CEP192: variants seen among roughly 807,000 people sequenced by gnomAD.
CEP192 encodes the protein centrosomal protein 192.
Under a neutral mutation model 271.8 loss-of-function variants are expected in CEP192, and 151 were observed. The ratio of observed to expected loss-of-function variants is 0.56; its 90% CI spans 0.49 to 0.64. The LOEUF (loss-of-function observed/expected upper bound fraction) is 0.64, where lower values mean the gene tolerates loss of function less well. CEP192 is among the 30% of genes least tolerant of loss of function. The probability of loss-of-function intolerance (pLI) is 0.00; values close to 1 mark genes in which losing one functional copy is unlikely to be tolerated. For missense variants in CEP192, 2,910 were observed against 3,020.5 expected (o/e 0.96, Z 0.86); for synonymous variants, 995 against 1,076.5 (o/e 0.92, Z 1.48).
Position 13,037,312 on chromosome 18 carries a change from ATTTG to A in CEP192, c.1599+15_1599+18del, listed in dbSNP as rs563049467. On this transcript the variant is annotated intron_variant, in intron 12 of 44. Transcript: ENST00000506447. ...CATCAATTTATACAGGTTTGTAATT[ATTTG>A]TTTTATCCAAAATTTAAAATTTTTC... is the stretch of plus-strand genomic sequence containing the variant. 2.9e-5 allele frequency: 35 copies of A among 1,197,158 alleles called. No individual in the cohort carries two copies. Among genetic ancestry groups the A allele is most frequent in the African/African-American group, 4.6e-5 (3 of 65,744 alleles). 74.2% of individuals were successfully genotyped at this position (1,197,158 alleles called of 1,614,324 possible). A position where few individuals can be genotyped will look rare whatever the true frequency, so the allele number is the denominator to read the frequency against.
At chr18:13,056,968 C>G (rs1237952210) in intron 19 of CEP192, among the ~76,000 whole-genome samples, 1 of 152,182 alleles carries the variant, frequency 6.6e-6, no homozygotes, top group Non-Finnish European at 1.5e-5. Context: ...ATTATTTCCC[C>G]TAGGAAATGT....
In CEP192 at chr18:13,037,214, T is replaced by G. The variant is rs767092979; in HGVS notation, c.1535-23T>G. On this transcript the variant is annotated intron_variant, in intron 11 of 44. Transcript: ENST00000506447. ...TTGTTTAGGCATTAGTGTAATGTAT[T>G]TATATAAACATTCTTTTTTAAGCTG... 4 of 1,010,072 alleles carry G rather than the reference T, an allele frequency of 4.0e-6. No homozygotes were observed. In the South Asian group the frequency reaches 5.7e-5, roughly 14 times the overall value. The allele number at this position is 1,010,072 out of a possible 1,614,324, so 62.6% of individuals were successfully genotyped here.
chr18:13,056,731 C>G, intron 19 of CEP192, 33 bp downstream of exon 19: 1 of 1,485,060 alleles, frequency 6.7e-7, no homozygotes, highest in Non-Finnish European at 9.1e-7. Flanking sequence ...TTATTACTTG[C>G]TATTATTTTC....
chr18:13,040,665 G>A (rs1025199902), intron 13 of CEP192, among the ~76,000 whole-genome samples, 165 bp from the exon 14 acceptor site: 2 of 152,116 alleles, frequency 1.3e-5, no homozygotes, highest in African/African-American at 4.8e-5. Flanking sequence ...GAAATGAAAG[G>A]TTCTACCTGG....
At chr18:13,117,754 A>G (rs2040498921) in intron 44 of CEP192, 111 bp downstream of exon 44, 3 of 741,480 alleles carry the variant, frequency 4.0e-6, no homozygotes, top group Admixed American at 4.5e-5. Flanking sequence ...ATTCCTCACC[A>G]GCACCAAACA....
At chr18:13,100,757 T>G (rs534864699) in intron 38 of CEP192, among the ~76,000 whole-genome samples, 10 of 152,322 alleles carry the variant, frequency 6.6e-5, no homozygotes, top group African/African-American at 2.4e-4. Context: ...GTCAGAACCT[T>G]TCCTGTGCAA....
Position 13,030,531 on chromosome 18 carries a change from A to G in CEP192, c.1457A>G (p.Tyr486Cys), listed in dbSNP as rs1296994874. 11 of 1,611,936 alleles carry G rather than the reference A, an allele frequency of 6.8e-6. No individual in the cohort carries two copies. Among genetic ancestry groups the G allele is most frequent in the Non-Finnish European group, 8.5e-6 (10 of 1,178,486 alleles). The change falls in exon 11 of 45, where the codon TAT becomes TGT. Residue 486 changes from tyrosine to cysteine, a missense_variant. Physicochemically the swap from Tyr to Cys is radical, Grantham distance 194. Coordinates refer to ENST00000506447, the MANE Select transcript of CEP192 (RefSeq NM_032142.4). ...EEGRWVTDLA[Y>C]YTSFNSKQNL... ...GGTAGGTGGGTCACAGACCTTGCCT[A>G]TTACACATCTTTTAATAGCAAACAA...
chr18:12,999,364 C>A (rs1599021842), intron 1 of CEP192, 57 bp from the exon 2 acceptor site: 2 of 1,249,226 alleles, frequency 1.6e-6, no homozygotes, highest in Non-Finnish European at 1.1e-6. Flanking sequence ...TGCTTTTAAT[C>A]ATTTAAAAAC....
chr18:13,038,143 A>G (rs1194402574), intron 12 of CEP192, among the ~76,000 whole-genome samples: 1 of 152,118 alleles, frequency 6.6e-6, no homozygotes, highest in Non-Finnish European at 1.5e-5. Flanking sequence ...GCAACTCATG[A>G]TCGTGTGTAT....
At chr18:13,043,808 C>T (rs928526945) in intron 15 of CEP192, among the ~76,000 whole-genome samples, 5 of 152,208 alleles carry the variant, frequency 3.3e-5, no homozygotes, top group African/African-American at 9.6e-5. Context: ...GAGTTTTGTG[C>T]AGATTTTTCA....
intron 38 of CEP192, 78 bp from the exon 39 acceptor site, chr18:13,103,431 G>A: frequency 9.3e-7 from 1 of 1,075,436 alleles, no homozygotes; most frequent in Non-Finnish European, 1.4e-6. Context: ...CCAGTATGAG[G>A]TAGTTAGGCC....
At position 13,055,933 on chromosome 18, in the gene CEP192, A is replaced by G; in HGVS notation, c.3343A>G (p.Arg1115Gly). The G allele has an allele frequency of 1.2e-6, 2 of 1,614,236 alleles. No homozygotes were observed. Among genetic ancestry groups the G allele is most frequent in the African/African-American group, 1.3e-5 (1 of 75,072 alleles). Reference protein sequence around the residue: ...SSIIQNNSDTRKATETTSLSS... With the variant: ...SSIIQNNSDTGKATETTSLSS... Reference sequence around the variant, plus strand: ...TATTATCCAGAATAACTCTGATACAAGAAAAGCAACTGAAACTACTTCTCT... The same window carrying G: ...TATTATCCAGAATAACTCTGATACAGGAAAAGCAACTGAAACTACTTCTCT... The change falls in exon 19 of 45, where the codon AGA becomes GGA. Residue 1115 changes from arginine (R) to glycine (G), a missense_variant. By Grantham distance (125) the Arg-to-Gly change is moderately radical. Transcript: ENST00000506447.
Position 13,056,688 on chromosome 18 carries a change from A to G in CEP192, c.4098A>G (p.Thr1366=). ...CGIEPWDSGV[T]SGLGSVRVPE... is the part of the protein sequence containing the mutation. Reference sequence around the variant, plus strand: ...TTGAACCATGGGATTCAGGAGTGACATCAGGATTGGGTAAGATGCTTTTTC... The same window carrying G: ...TTGAACCATGGGATTCAGGAGTGACGTCAGGATTGGGTAAGATGCTTTTTC... The change falls in exon 19 of 45, where the codon ACA becomes ACG. Residue 1366 remains threonine, a synonymous_variant. Transcript: ENST00000506447. 2 of 1,597,048 alleles carry G rather than the reference A, an allele frequency of 1.3e-6. No homozygotes were observed. Among genetic ancestry groups the G allele is most frequent in the Non-Finnish European group, 8.5e-7 (1 of 1,173,170 alleles).
rs747834814 is a variant in CEP192, at chr18:13,017,374, A to G, written c.789+38A>G. 9 of 1,439,252 alleles carry G rather than the reference A, an allele frequency of 6.3e-6. No individual in the cohort carries two copies. The East Asian group carries it at 1.3e-4, about 21-fold the overall frequency. The allele number at this position is 1,439,252 out of a possible 1,614,324, so 89.2% of individuals were successfully genotyped here. On this transcript the variant is annotated intron_variant, in intron 7 of 44. Coordinates refer to ENST00000506447, the MANE Select transcript of CEP192 (RefSeq NM_032142.4). ...CTTTATGATTTTTCAGAAATTTGAC[A>G]TTAGAAAATTACTATTGGTCTCCTT...
intron 40 of CEP192, among the ~76,000 whole-genome samples, chr18:13,108,859 G>T (rs1245905673): frequency 6.6e-6 from 1 of 151,960 alleles, no homozygotes; most frequent in African/African-American, 2.4e-5. Context: ...TGTGTGACAG[G>T]GTGAGACACT....
chr18:13,023,629 T>C (rs2035120894), intron 9 of CEP192, among the ~76,000 whole-genome samples: 1 of 152,152 alleles, frequency 6.6e-6, no homozygotes, highest in African/African-American at 2.4e-5. Context: ...TGATTTGATT[T>C]TCTAATATTC....
chr18:13,072,384 G>C (rs745718651), intron 28 of CEP192, among the ~76,000 whole-genome samples: 20 of 152,224 alleles, frequency 1.3e-4, no homozygotes, highest in Non-Finnish European at 2.4e-4. Flanking sequence ...AAGCTCGCTT[G>C]GTTGAGCCAG....
intron 17 of CEP192, among the ~76,000 whole-genome samples, chr18:13,050,982 C>A (rs373557837): frequency 2.0e-5 from 3 of 152,180 alleles, no homozygotes; most frequent in Non-Finnish European, 4.4e-5. Context: ...TTGGCTTACA[C>A]GTTTTTTCCC....
chr18:13,005,539 C>T (rs1306251521), intron 3 of CEP192, among the ~76,000 whole-genome samples: 2 of 152,184 alleles, frequency 1.3e-5, no homozygotes, highest in Non-Finnish European at 1.5e-5. Flanking sequence ...AGGCCAGGAG[C>T]TCTGGAAACT....
Sources: gnomAD v4.1 joint callset for allele counts (sites outside exome capture counted in the v4.1 genomes callset) on GRCh38, gnomAD v4.1.1 for gene constraint, MANE v1.5 for transcripts, NCBI Gene and HGNC (gene_info 2026-07-23, HGNC 2026-07-21) for gene names.